The following TMEM132E variants were observed in gnomAD, a reference collection of about 807,000 sequenced individuals.
TMEM132E encodes transmembrane protein 132E.
A neutral mutation model predicts 78.5 loss-of-function variants in TMEM132E; 49 were observed. The observed-to-expected ratio is 0.62, with a 90% CI of 0.50 to 0.79. The LOEUF (loss-of-function observed/expected upper bound fraction) is 0.79, where lower values mean the gene tolerates loss of function less well. Ranked by LOEUF, TMEM132E falls within the 30% of genes least tolerant of loss-of-function variation. The pLI is 0.00. For missense variants in TMEM132E, 1,403 were observed against 1,470.9 expected (o/e 0.95, Z 0.75); for synonymous variants, 715 against 670.6 (o/e 1.07, Z -1.02).
intron 1 of TMEM132E, among the ~76,000 whole-genome samples, chr17:34,582,914 C>G (rs1336431271): frequency 6.6e-6 from 1 of 152,236 alleles, no homozygotes; most frequent in East Asian, 1.9e-4. Context: ...GCAGCTCAAA[C>G]TCTGTCATTA....
rs1339198862 is a variant in TMEM132E, at chr17:34,635,103, G to A, written c.1977+16G>A. The A allele has an allele frequency of 6.3e-7, 1 of 1,594,312 alleles. No homozygotes were observed. The highest frequency in any genetic ancestry group is 8.6e-7 in the Non-Finnish European group (1 of 1,168,460). ...CCCCTTTAAGGTAGGTATGGGCTCT[G>A]TCCCAGCACAAAGGGGCAGTGTCGG... On this transcript the variant is annotated intron_variant, in intron 7 of 8. Coordinates refer to ENST00000631683, the MANE Select transcript of TMEM132E (RefSeq NM_001304438.2).
At chr17:34,628,480 T>C in intron 2 of TMEM132E, 83 bp from the exon 3 acceptor site, 1 of 1,538,732 alleles carries the variant, frequency 6.5e-7, no homozygotes, top group South Asian at 1.2e-5. Context: ...CTCCCCCCAG[T>C]ACAGTCTAGT....
chr17:34,600,426 A>AGTGTGTGTGTGTGTGT (rs3220449), intron 1 of TMEM132E, among the ~76,000 whole-genome samples: 50 of 144,036 alleles, frequency 3.5e-4, no homozygotes, highest in South Asian at 1.4e-3. Flanking sequence ...AGCGTATATG[A>AGTGTGTGTGTGTGTGT]GTGTGTGTGT....
chr17:34,582,598 AG>A (rs1905532709), intron 1 of TMEM132E, among the ~76,000 whole-genome samples: 1 of 149,226 alleles, frequency 6.7e-6, no homozygotes, highest in Non-Finnish European at 1.5e-5. Flanking sequence ...GCGAGCCAGC[AG>A]GGGGGCGAGG....
chr17:34,591,140 CTT>C (rs1905854246), intron 1 of TMEM132E, among the ~76,000 whole-genome samples: 2 of 152,192 alleles, frequency 1.3e-5, no homozygotes, highest in African/African-American at 4.8e-5. Flanking sequence ...GTGGAAGTGT[CTT>C]TATTATTTTA....
intron 1 of TMEM132E, among the ~76,000 whole-genome samples, chr17:34,599,369 G>A (rs966516183): frequency 3.9e-5 from 6 of 152,196 alleles, no homozygotes; most frequent in African/African-American, 1.4e-4. Context: ...ACCATCATGG[G>A]GCGCATCCAG....
chr17:34,596,249 C>A (rs1906056239), intron 1 of TMEM132E, among the ~76,000 whole-genome samples: 2 of 152,196 alleles, frequency 1.3e-5, no homozygotes, highest in Non-Finnish European at 2.9e-5. Flanking sequence ...GTGTGGAGCC[C>A]TTGGCAGTTT....
chr17:34,586,495 C>T (rs1308103281), intron 1 of TMEM132E, among the ~76,000 whole-genome samples: 2 of 151,584 alleles, frequency 1.3e-5, no homozygotes, highest in Admixed American at 6.6e-5. Context: ...ATGCACTGCC[C>T]AGAGAAAGGG....
intron 1 of TMEM132E, among the ~76,000 whole-genome samples, chr17:34,588,166 C>T (rs1905743285): frequency 6.6e-6 from 1 of 152,208 alleles, no homozygotes. Context: ...GCTGTTCCCT[C>T]TGACCAGAAC....
chr17:34,629,947 C>G, intron 4 of TMEM132E, 61 bp from the exon 5 acceptor site: 3 of 1,518,876 alleles, frequency 2.0e-6, no homozygotes, highest in Non-Finnish European at 2.7e-6. Flanking sequence ...GGGGCCTTGG[C>G]TAGTGTGTCC....
intron 4 of TMEM132E, among the ~76,000 whole-genome samples, chr17:34,629,726 G>A (rs560554634): frequency 1.3e-5 from 2 of 152,300 alleles, no homozygotes; most frequent in African/African-American, 2.4e-5. Context: ...GAGCCTGGAA[G>A]CTGTTTAAGA....
chr17:34,632,884 A>G lies in TMEM132E; in HGVS notation c.1663A>G (p.Arg555Gly). 2 of 1,614,136 alleles carry G rather than the reference A, an allele frequency of 1.2e-6. No homozygotes were observed. The highest frequency in any genetic ancestry group is 1.7e-6 in the Non-Finnish European group (2 of 1,180,014). ...DARLSQVKGW[R>G]VPILPDRRSV... is the part of the protein sequence containing the mutation. Reference sequence around the variant, plus strand: ...CCGCCTCAGCCAAGTGAAGGGCTGGAGGGTACCTATCCTCCCCGACCGGAG... The same window carrying G: ...CCGCCTCAGCCAAGTGAAGGGCTGGGGGGTACCTATCCTCCCCGACCGGAG... The change falls in exon 6 of 9, where the codon AGG becomes GGG. Residue 555 changes from arginine (R) to glycine (G), a missense_variant. By Grantham distance (125) the Arg-to-Gly change is moderately radical. Transcript: ENST00000631683.
chr17:34,617,517 GAAT>G, intron 1 of TMEM132E, among the ~76,000 whole-genome samples: 1 of 152,250 alleles, frequency 6.6e-6, no homozygotes, highest in African/African-American at 2.4e-5. Flanking sequence ...ATGAATGAAT[GAAT>G]GAATGAACGA....
chr17:34,590,243 A>G (rs1240293127), intron 1 of TMEM132E, among the ~76,000 whole-genome samples: 1 of 152,192 alleles, frequency 6.6e-6, no homozygotes, highest in African/African-American at 2.4e-5. Context: ...CCTGTGCTGG[A>G]CACCAGGAAT....
rs1298291308 is a variant in TMEM132E at position 34,636,052 on chromosome 17, A to G, written c.2023A>G (p.Thr675Ala). ...TEAVLGETLL[T>A]VTEEKVSITQ... is the part of the protein sequence containing the mutation. ...GGCTGTGCTCGGGGAGACGCTGCTG[A>G]CGGTGACTGAGGAGAAGGTCAGCAT... is the stretch of plus-strand genomic sequence containing the variant. Residue 675 changes from threonine to alanine, a missense_variant, in exon 8 of 9, where the codon ACG (threonine) becomes GCG (alanine). Thr to Ala is a moderately conservative substitution (Grantham distance 58). Transcript: ENST00000631683. 6.4e-7 allele frequency: 1 copy of G among 1,572,066 alleles called. No individual in the cohort carries two copies. Among genetic ancestry groups the G allele is most frequent in the Non-Finnish European group, 8.6e-7 (1 of 1,161,140 alleles).
At chr17:34,620,271 A>T (rs1184004519) in intron 1 of TMEM132E, among the ~76,000 whole-genome samples, 2 of 152,244 alleles carry the variant, frequency 1.3e-5, no homozygotes, top group Admixed American at 1.3e-4. Context: ...CCAACCTCAG[A>T]AAAGTATGGA....
chr17:34,626,885 C>T lies in TMEM132E; in HGVS notation c.826C>T (p.Leu276=). The change falls in exon 2 of 9, where the codon CTG becomes TTG. Residue 276 remains leucine (L), a synonymous_variant. Transcript: ENST00000631683. ...HPLLRIGSIS[L]FRPPPRRTLQ... ...CCTGCTGCGCATCGGGAGCATCAGC[C>T]TGTTCCGCCCGCCCCCCAGGAGGAC... The T allele has an allele frequency of 6.2e-7, 1 of 1,612,050 alleles. No homozygotes were observed. The highest frequency in any genetic ancestry group is 1.1e-5 in the South Asian group (1 of 91,050).
At chr17:34,603,037 C>T (rs988938378) in intron 1 of TMEM132E, among the ~76,000 whole-genome samples, 2 of 152,228 alleles carry the variant, frequency 1.3e-5, no homozygotes, top group Admixed American at 6.5e-5. Context: ...GAGGCTGTGT[C>T]CTCCCAGCCT....
chr17:34,584,698 A>G (rs151165980), intron 1 of TMEM132E, among the ~76,000 whole-genome samples: 1 of 152,336 alleles, frequency 6.6e-6, no homozygotes, highest in Non-Finnish European at 1.5e-5. Context: ...GCTCTGGGGT[A>G]GAGGGCAGAA....
Sources: allele counts gnomAD v4.1 joint callset (sites outside exome capture counted in the v4.1 genomes callset), GRCh38; gene constraint gnomAD v4.1.1; transcripts MANE v1.5; gene names NCBI Gene and HGNC (gene_info 2026-07-23, HGNC 2026-07-21).